Variants in TENM3 observed in about 807,000 individuals in gnomAD.
TENM3 encodes the protein teneurin transmembrane protein 3.
A neutral mutation model predicts 255.1 loss-of-function variants in TENM3; 63 were observed. The observed-to-expected ratio is 0.25, with a 90% CI of 0.20 to 0.30. The LOEUF (loss-of-function observed/expected upper bound fraction) is 0.30. TENM3 is among the 10% of genes least tolerant of loss of function. The pLI is 1.00. For synonymous variants in TENM3, 1,306 were observed against 1,322.3 expected, an observed-to-expected ratio of 0.99 and a Z score of 0.27; for missense variants, 2,929 against 3,461.1, an observed-to-expected ratio of 0.85 and a Z score of 3.86.
At chr4:181,925,246 C>G in the TENM3 span, among the ~76,000 whole-genome samples, 1 of 152,132 alleles carries the variant, frequency 6.6e-6, no homozygotes, top group Non-Finnish European at 1.5e-5. Context: ...TTATTCTTAG[C>G]AAAGTATCAT....
At chr4:181,599,815 T>C in the TENM3 span, among the ~76,000 whole-genome samples, 1 of 152,218 alleles carries the variant, frequency 6.6e-6, no homozygotes, top group Non-Finnish European at 1.5e-5. Flanking sequence ...TACTCATCTA[T>C]GACCTTCTTT....
At chr4:181,777,348 C>G in the TENM3 span, among the ~76,000 whole-genome samples, 1 of 152,074 alleles carries the variant, frequency 6.6e-6, no homozygotes, top group Non-Finnish European at 1.5e-5. Context: ...TAGCGTGATG[C>G]CTCCAGCTTC....
the TENM3 span, among the ~76,000 whole-genome samples, chr4:181,730,698 C>A: frequency 1.3e-5 from 2 of 152,240 alleles, no homozygotes; most frequent in Admixed American, 6.5e-5. Context: ...GGGTTTTATG[C>A]TTTTATAATT....
At chr4:181,526,030 C>T in the TENM3 span, among the ~76,000 whole-genome samples, 1 of 152,178 alleles carries the variant, frequency 6.6e-6, no homozygotes, top group Admixed American at 6.5e-5. Flanking sequence ...TCTCATTCAG[C>T]TTTCCCAGAC....
At chr4:181,627,926 T>C in the TENM3 span, among the ~76,000 whole-genome samples, 2 of 152,230 alleles carry the variant, frequency 1.3e-5, no homozygotes, top group Admixed American at 1.3e-4. Flanking sequence ...TCTTCCACAA[T>C]GGTTGAACTA....
the TENM3 span, among the ~76,000 whole-genome samples, chr4:182,022,974 G>A: frequency 2.6e-5 from 4 of 152,182 alleles, no homozygotes; most frequent in Non-Finnish European, 5.9e-5. Flanking sequence ...AAATATAAAA[G>A]CTTGCCCTGA....
At chr4:181,909,426 A>C in the TENM3 span, among the ~76,000 whole-genome samples, 1 of 152,152 alleles carries the variant, frequency 6.6e-6, no homozygotes, top group Non-Finnish European at 1.5e-5. Flanking sequence ...GGCTGATTAG[A>C]GACACAGTCC....
chr4:182,114,626 T>A, the TENM3 span, among the ~76,000 whole-genome samples: 1 of 152,138 alleles, frequency 6.6e-6, no homozygotes, highest in Non-Finnish European at 1.5e-5. Context: ...AATGCATAAG[T>A]AATAAACATC....
the TENM3 span, among the ~76,000 whole-genome samples, chr4:181,689,839 T>C: frequency 1.3e-5 from 2 of 152,210 alleles, no homozygotes; most frequent in South Asian, 4.1e-4. Flanking sequence ...TGGAGGTCGG[T>C]TACGGATACA....
At chr4:182,533,538 CAAA>C (rs776649364) in intron 3 of TENM3, among the ~76,000 whole-genome samples, 19 of 89,952 alleles carry the variant, frequency 2.1e-4, no homozygotes, top group Admixed American at 3.5e-4. Flanking sequence ...GACCCTATCT[CAAA>C]AAAAAAAAAA....
At chr4:181,657,803 TAAA>T in the TENM3 span, among the ~76,000 whole-genome samples, 1 of 151,334 alleles carries the variant, frequency 6.6e-6, no homozygotes, top group African/African-American at 2.4e-5. Flanking sequence ...CAACTATATA[TAAA>T]AAAAAAAACA....
At chr4:182,080,669 G>T in the TENM3 span, among the ~76,000 whole-genome samples, 1 of 152,100 alleles carries the variant, frequency 6.6e-6, no homozygotes, top group Non-Finnish European at 1.5e-5. Flanking sequence ...TAACCTGGCC[G>T]CTCTCGTGTA....
upstream of TENM3, among the ~76,000 whole-genome samples, chr4:182,239,718 CAAATG>C (rs1241084310): frequency 6.6e-6 from 1 of 151,938 alleles, no homozygotes; most frequent in Non-Finnish European, 1.5e-5. Context: ...ATGGATACTT[CAAATG>C]AAATAAGAAG....
intron 1 of TENM3, among the ~76,000 whole-genome samples, chr4:182,199,398 G>A (rs986220550): frequency 6.6e-6 from 1 of 151,966 alleles, no homozygotes; most frequent in East Asian, 1.9e-4. Flanking sequence ...CTCCAGCCTG[G>A]GCAACAGGGC....
chr4:181,676,885 C>T, the TENM3 span, among the ~76,000 whole-genome samples: 2 of 151,936 alleles, frequency 1.3e-5, no homozygotes, highest in African/African-American at 4.8e-5. Flanking sequence ...TTTTAGTCCT[C>T]GTTAGAGATC....
At chr4:181,637,498 A>G in the TENM3 span, among the ~76,000 whole-genome samples, 26 of 152,226 alleles carry the variant, frequency 1.7e-4, no homozygotes, top group Non-Finnish European at 3.2e-4. Context: ...GTTCCTATCC[A>G]GACGTGAAGG....
chr4:182,160,088 C>A (rs918456724), intron 1 of TENM3, among the ~76,000 whole-genome samples: 1 of 149,658 alleles, frequency 6.7e-6, no homozygotes, highest in African/African-American at 2.4e-5. Context: ...CTGCAAGCTC[C>A]GCTTCCCGGG....
At chr4:182,263,592 TCC>T (rs34797818) in intron 1 of TENM3, among the ~76,000 whole-genome samples, 3 of 151,388 alleles carry the variant, frequency 2.0e-5, no homozygotes, top group African/African-American at 7.3e-5. Context: ...CATGGGCAAT[TCC>T]CCCCCCTACC....
At chr4:181,950,201 C>G in the TENM3 span, among the ~76,000 whole-genome samples, 1 of 152,212 alleles carries the variant, frequency 6.6e-6, no homozygotes, top group East Asian at 1.9e-4. Flanking sequence ...AAAAAGCTCC[C>G]CCACTGAGCA....
Sources: gnomAD v4.1 joint callset for allele counts (sites outside exome capture counted in the v4.1 genomes callset) on GRCh38, gnomAD v4.1.1 for gene constraint, MANE v1.5 for transcripts, NCBI Gene and HGNC (gene_info 2026-07-23, HGNC 2026-07-21) for gene names.